Variants in PCDHA4 observed in about 807,000 individuals in gnomAD.
PCDHA4 encodes the protein protocadherin alpha 4.
PCDHA4 carries 49 observed loss-of-function variants against 61.4 expected under a neutral mutation model. The ratio of observed to expected loss-of-function variants is 0.80; its 90% confidence interval spans 0.63 to 1.01. PCDHA4 has a LOEUF of 1.01. PCDHA4 is among the 50% of genes least tolerant of loss of function. The probability of loss-of-function intolerance (pLI) is 0.00; values close to 1 mark genes in which losing one functional copy is unlikely to be tolerated. For synonymous variants in PCDHA4, 590 were observed against 550.3 expected, an observed-to-expected ratio of 1.07 and a Z score of -1.01; for missense variants, 1,254 against 1,235.8, an observed-to-expected ratio of 1.01 and a Z score of -0.22.
At chr5:140,843,593 G>C in intron 1 of PCDHA4, 1 of 1,596,072 alleles carries the variant, frequency 6.3e-7, no homozygotes, top group Non-Finnish European at 8.6e-7. Context: ...GCCGCAGAGG[G>C]TGTGCTCTGG....
At chr5:140,966,983 G>T (rs782294035) in intron 1 of PCDHA4, 1 of 1,603,778 alleles carries the variant, frequency 6.2e-7, no homozygotes, top group Non-Finnish European at 8.5e-7. Flanking sequence ...GCGGCGCTTG[G>T]GGCCGGGTTG....
At chr5:141,008,014 CT>C (rs1268690822) in intron 3 of PCDHA4, among the ~76,000 whole-genome samples, 12 of 152,070 alleles carry the variant, frequency 7.9e-5, no homozygotes, top group African/African-American at 1.7e-4. Flanking sequence ...CTTCTGTTTC[CT>C]TTTTTTTCTT....
chr5:140,966,166 C>T (rs1159533172), intron 1 of PCDHA4: 1 of 179,138 alleles, frequency 5.6e-6, no homozygotes, highest in Non-Finnish European at 1.2e-5. Flanking sequence ...GAGATCTTTT[C>T]CTGGGGAGCT....
intron 1 of PCDHA4, chr5:140,866,016 T>C (rs191505079): frequency 6.6e-6 from 1 of 152,304 alleles, no homozygotes; most frequent in African/African-American, 2.4e-5. Flanking sequence ...ATTTTTTTCT[T>C]GTAAGAGTTC....
intron 1 of PCDHA4, among the ~76,000 whole-genome samples, chr5:140,908,419 A>G (rs782714084): frequency 6.6e-6 from 1 of 152,196 alleles, no homozygotes; most frequent in Non-Finnish European, 1.5e-5. Context: ...TGATGATGGA[A>G]TGCTGCTGTG....
rs1407676200 is a variant in PCDHA4 at position 140,843,151 on chromosome 5, G to A, written c.2385+33579G>A. 6 of 1,596,104 alleles carry A rather than the reference G, an allele frequency of 3.8e-6. 1 individual carries two copies. The highest frequency in any genetic ancestry group is 5.1e-6 in the Non-Finnish European group (6 of 1,165,608). On this transcript the variant is annotated intron_variant, in intron 1 of 3. Coordinates refer to ENST00000530339, the MANE Select transcript of PCDHA4 (RefSeq NM_018907.4). ...GCTACAACGCGTGGCTTTCGTATGA[G>A]CTGCAGCCAGCTGCAAGCAGCCCTC...
chr5:140,945,322 T>C (rs1311724084), intron 1 of PCDHA4, among the ~76,000 whole-genome samples: 9 of 152,096 alleles, frequency 5.9e-5, no homozygotes, highest in Admixed American at 5.2e-4. Context: ...AATGGAAATA[T>C]ATTTTATGTT....
chr5:141,006,048 G>T (rs1158028347), intron 3 of PCDHA4, among the ~76,000 whole-genome samples: 1 of 150,984 alleles, frequency 6.6e-6, no homozygotes, highest in Non-Finnish European at 1.5e-5. Context: ...TTGTAGATGA[G>T]AGTGGAGAAG....
chr5:140,818,467 C>G (rs1261385531), intron 1 of PCDHA4, among the ~76,000 whole-genome samples: 1 of 152,112 alleles, frequency 6.6e-6, no homozygotes, highest in Non-Finnish European at 1.5e-5. Context: ...AACTTTCCTC[C>G]CACAAAGTTT....
Position 140,856,078 on chromosome 5 carries a change from C to T in PCDHA4, c.2385+46506C>T, listed in dbSNP as rs145849392. On this transcript the variant is annotated intron_variant, in intron 1 of 3. Transcript: ENST00000530339. The stretch of plus-strand genomic sequence containing the variant: ...TTTCCAGATGTAGCTGCCTGGGGGT[C>T]CAGTGTCTGCTGCTCTCGCTTCTTC... 1.4e-3 allele frequency: 2,214 copies of T among 1,594,016 alleles called. 201 individuals are homozygous for T. The highest frequency in any genetic ancestry group is 4.0e-3 in the Admixed American group (234 of 58,882).
rs187034758 is a variant in PCDHA4 at position 140,897,376 on chromosome 5, C to G, written c.2386-81573C>G. 8.0e-3 allele frequency among the ~76,000 whole-genome samples: 1,079 copies of G among 134,538 alleles called. 8 individuals are homozygous for G. Among genetic ancestry groups the G allele is most frequent in the Non-Finnish European group, 0.013 (863 of 65,384 alleles). 88.3% of individuals were successfully genotyped at this position (134,538 alleles called of 152,430 possible). A position where few individuals can be genotyped will look rare whatever the true frequency, so the allele number is the denominator to read the frequency against. ...TGTCCCCAGAGTGTGATGTTCCCTT[C>G]CCCTTCCTGTGTCCATGTGTTCTCA... On this transcript the variant is annotated intron_variant, in intron 1 of 3. Coordinates refer to ENST00000530339, the MANE Select transcript of PCDHA4 (RefSeq NM_018907.4).
chr5:140,963,348 T>C (rs1415746589), intron 1 of PCDHA4, among the ~76,000 whole-genome samples: 7 of 152,234 alleles, frequency 4.6e-5, no homozygotes, highest in Admixed American at 4.6e-4. Context: ...GTAAATTTAG[T>C]TCTTTTCAAA....
chr5:140,836,376 G>A, intron 1 of PCDHA4: 3 of 1,613,760 alleles, frequency 1.9e-6, no homozygotes, highest in South Asian at 1.1e-5. Context: ...CACAGCCACC[G>A]TGCTGGTGTC....
Position 141,009,727 on chromosome 5 carries a change from C to T in PCDHA4, c.2634C>T (p.Pro878=), listed in dbSNP as rs781880006. The part of the protein sequence containing the change: ...YGPGNPKQSG[P]GELPDKFIIP... ...CAGGCAACCCCAAACAATCCGGTCC[C>T]GGTGAGTTGCCCGACAAATTCATTA... Residue 878 remains proline, a synonymous_variant, in exon 4 of 4, where the codon CCC becomes CCT. Coordinates refer to ENST00000530339, the MANE Select transcript of PCDHA4 (RefSeq NM_018907.4). The T allele has an allele frequency of 3.1e-6, 5 of 1,614,022 alleles. No homozygotes were observed. The highest frequency in any genetic ancestry group is 2.2e-5 in the East Asian group (1 of 44,886).
At chr5:140,963,701 AG>A (rs1226096855) in intron 1 of PCDHA4, among the ~76,000 whole-genome samples, 2 of 152,218 alleles carry the variant, frequency 1.3e-5, no homozygotes, top group Non-Finnish European at 1.5e-5. Flanking sequence ...TGATATCTAA[AG>A]GGCCATGCTA....
chr5:140,997,131 C>T (rs577407385), intron 3 of PCDHA4, among the ~76,000 whole-genome samples: 26 of 152,126 alleles, frequency 1.7e-4, no homozygotes, highest in African/African-American at 6.0e-4. Flanking sequence ...ACACAATGCC[C>T]CCACACCCCC....
At chr5:140,823,926 C>T (rs2150130404) in intron 1 of PCDHA4, 84 of 1,613,920 alleles carry the variant, frequency 5.2e-5, no homozygotes, top group Non-Finnish European at 6.2e-5. Flanking sequence ...TGCTGCTGTA[C>T]ACCGCGCTGC....
At chr5:140,924,662 A>C (rs891233024) in intron 1 of PCDHA4, among the ~76,000 whole-genome samples, 6 of 152,166 alleles carry the variant, frequency 3.9e-5, no homozygotes, top group Non-Finnish European at 5.9e-5. Flanking sequence ...TGGGAGGCCG[A>C]GGCAGGCCAA....
intron 1 of PCDHA4, chr5:140,823,024 G>C (rs2150121461): frequency 2.2e-5 from 36 of 1,614,202 alleles, no homozygotes; most frequent in South Asian, 3.3e-5. Context: ...CCGCGAGAGC[G>C]TGTCGGTCTA....
Sources: allele counts gnomAD v4.1 joint callset (sites outside exome capture counted in the v4.1 genomes callset), GRCh38; gene constraint gnomAD v4.1.1; transcripts MANE v1.5; gene names NCBI Gene and HGNC (gene_info 2026-07-23, HGNC 2026-07-21).